SLC2A11: variants seen among roughly 807,000 people sequenced by gnomAD.
The protein encoded by SLC2A11 is solute carrier family 2, facilitated glucose transporter member 11.
Under a neutral mutation model 52.1 loss-of-function variants are expected in SLC2A11, and 43 were observed. The ratio of observed to expected loss-of-function variants is 0.82; its 90% CI spans 0.65 to 1.06. The LOEUF (loss-of-function observed/expected upper bound fraction) is 1.06, where lower values mean the gene tolerates loss of function less well. SLC2A11 is among the 50% of genes least tolerant of loss of function. The pLI is 0.00. For missense variants in SLC2A11, 582 were observed against 654.2 expected (o/e 0.89, Z 1.20); for synonymous variants, 261 against 277.6 (o/e 0.94, Z 0.59).
intron 1 of SLC2A11, chr22:23,858,241 G>A (rs2031927452): frequency 1.3e-6 from 1 of 763,748 alleles, no homozygotes; most frequent in South Asian, 1.5e-5. Context: ...CCAGAGCAAG[G>A]TTGCTGGACC....
intron 5 of SLC2A11, 66 bp downstream of exon 5, chr22:23,877,237 A>G: frequency 6.4e-7 from 1 of 1,570,900 alleles, no homozygotes; most frequent in Non-Finnish European, 8.6e-7. Flanking sequence ...TTCTTCACCT[A>G]AATGTCTCCC....
chr22:23,861,097 G>T (rs1601484687), intron 1 of SLC2A11, among the ~76,000 whole-genome samples: 1 of 151,532 alleles, frequency 6.6e-6, no homozygotes, highest in Non-Finnish European at 1.5e-5. Context: ...CGCCCGCCTC[G>T]GCCTCCCAAA....
At chr22:23,860,192 G>A (rs6519481) in intron 1 of SLC2A11, among the ~76,000 whole-genome samples, 63,108 of 151,916 alleles carry the variant, frequency 0.42, 13,389 homozygotes, top group African/African-American at 0.5. Flanking sequence ...AGGCCAAGGC[G>A]AGTGTATCGC....
rs1371193375 is a variant in SLC2A11 at position 23,884,251 on chromosome 22, G to T, written c.1172-51G>T. On this transcript the variant is annotated intron_variant, in intron 10 of 11. Coordinates refer to ENST00000316185, the MANE Select transcript of SLC2A11 (RefSeq NM_001024939.4). The surrounding 1 kb of genome is among the most constrained non-coding windows in gnomAD (Gnocchi z 4.3). ...ATGTCTGGGCTGGGGTCGGGGAGAG[G>T]CAGGCAGGGAACCCTGGCCAGCAGC... 1 of 1,580,174 alleles carries T rather than the reference G, an allele frequency of 6.3e-7. No homozygotes were observed.
At chr22:23,883,679 C>G in intron 8 of SLC2A11, 93 bp from the exon 9 acceptor site, 2 of 1,055,216 alleles carry the variant, frequency 1.9e-6, no homozygotes, top group Non-Finnish European at 2.7e-6. Flanking sequence ...TCACCTCCAC[C>G]ACCAGCTTTC....
At position 23,880,404 on chromosome 22, in the gene SLC2A11, T is replaced by C. The variant is rs2032762360; in HGVS notation, c.695-2055T>C. ...TTTCTCAAAAATGATGTGAATTTTC[T>C]ATGTATTCGAGGTTTTTTCATGTGT... On this transcript the variant is annotated intron_variant, in intron 6 of 11. Coordinates refer to ENST00000316185, the MANE Select transcript of SLC2A11 (RefSeq NM_001024939.4). The C allele has an allele frequency of 2.0e-5, 3 of 152,202 alleles. No individual in the cohort carries two copies. The South Asian group carries it at 6.2e-4, about 31-fold the overall frequency. The allele number at this position is 152,202 out of a possible 1,614,324, so 9.4% of individuals were successfully genotyped here.
chr22:23,861,623 T>A (rs1244740123), intron 1 of SLC2A11, among the ~76,000 whole-genome samples: 1 of 152,072 alleles, frequency 6.6e-6, no homozygotes, highest in Non-Finnish European at 1.5e-5. Context: ...TTAGCCTCAT[T>A]GCAGAACATG....
intron 8 of SLC2A11, 184 bp from the exon 9 acceptor site, chr22:23,883,588 G>A: frequency 1.9e-6 from 1 of 528,344 alleles, no homozygotes; most frequent in South Asian, 3.1e-5. Flanking sequence ...TTGAGATGCG[G>A]AAACTGGCTG....
chr22:23,857,474 G>C (rs923295804), upstream of SLC2A11: 2 of 1,613,804 alleles, frequency 1.2e-6, no homozygotes, highest in Admixed American at 3.3e-5. Flanking sequence ...CAGCCTCAGT[G>C]CTGCGGCAGA....
chr22:23,875,277 G>T, intron 4 of SLC2A11, 36 bp downstream of exon 4: 1 of 1,357,072 alleles, frequency 7.4e-7, no homozygotes, highest in Non-Finnish European at 9.6e-7. Flanking sequence ...GCCTCTCTAT[G>T]CCTATTAATT....
At chr22:23,861,534 C>T (rs2032066197) in intron 1 of SLC2A11, among the ~76,000 whole-genome samples, 1 of 152,178 alleles carries the variant, frequency 6.6e-6, no homozygotes, top group South Asian at 2.1e-4. Flanking sequence ...GGACCAGGCA[C>T]CTGGGCCATT....
upstream of SLC2A11, chr22:23,857,732 C>A: frequency 1.6e-6 from 2 of 1,282,710 alleles, no homozygotes; most frequent in Admixed American, 2.7e-5. Context: ...GAGCTTGAGT[C>A]TCAGGCCTTA....
intron 3 of SLC2A11, chr22:23,870,141 G>A (rs541696559): frequency 2.2e-5 from 15 of 671,882 alleles, no homozygotes; most frequent in East Asian, 2.8e-5. Context: ...TATCTGCACC[G>A]TGGGGAGTAG....
chr22:23,879,705 C>A (rs2032736775), intron 6 of SLC2A11: 1 of 152,254 alleles, frequency 6.6e-6, no homozygotes, highest in Non-Finnish European at 1.5e-5. Flanking sequence ...TAGCGTACTA[C>A]AACCCAGAGC....
chr22:23,857,006 C>A (rs201921248), upstream of SLC2A11: 2,171 of 1,577,802 alleles, frequency 1.4e-3, 1 homozygote, highest in Non-Finnish European at 1.7e-3. Context: ...GTCTATCTTT[C>A]GGTCTTTCCT....
In SLC2A11 at chr22:23,883,612, G is replaced by T. The variant is rs566991321; in HGVS notation, c.994-160G>T. ...GGAAACTGGCTGAAGTTGGGTGATT[G>T]ATTGACCAAGTTCCTTTGGGAAATT... is the stretch of plus-strand genomic sequence containing the variant. On this transcript the variant is annotated intron_variant, in intron 8 of 11. Coordinates refer to ENST00000316185, the MANE Select transcript of SLC2A11 (RefSeq NM_001024939.4). 72 of 582,186 alleles carry T rather than the reference G, an allele frequency of 1.2e-4. No homozygotes were observed. In the African/African-American group the frequency reaches 1.4e-3, roughly 11 times the overall value. The allele number at this position is 582,186 out of a possible 1,614,324, so 36.1% of individuals were successfully genotyped here. A position where few individuals can be genotyped will look rare whatever the true frequency, so the allele number is the denominator to read the frequency against.
intron 6 of SLC2A11, among the ~76,000 whole-genome samples, chr22:23,878,302 G>A (rs532538546): frequency 6.6e-6 from 1 of 151,494 alleles, no homozygotes; most frequent in African/African-American, 2.4e-5. Context: ...TACTTGCCTG[G>A]CTGGCTGCAC....
chr22:23,864,742 C>A (rs765083676), intron 2 of SLC2A11, among the ~76,000 whole-genome samples: 1 of 152,194 alleles, frequency 6.6e-6, no homozygotes, highest in South Asian at 2.1e-4. Flanking sequence ...CCAGCCCCTA[C>A]GAAGGAGACT....
At chr22:23,862,406 C>T (rs990823064) in intron 2 of SLC2A11, 10 of 563,772 alleles carry the variant, frequency 1.8e-5, no homozygotes, top group Non-Finnish European at 2.6e-5. Context: ...AGTCCCTAAT[C>T]TCAGCAGATG....
Sources: allele counts gnomAD v4.1 joint callset (sites outside exome capture counted in the v4.1 genomes callset), GRCh38; gene constraint gnomAD v4.1.1; non-coding constraint Gnocchi (gnomAD v3.1); transcripts MANE v1.5; gene names NCBI Gene and HGNC (gene_info 2026-07-23, HGNC 2026-07-21).